Variants in EPC2 observed in about 807,000 individuals in gnomAD.
The protein encoded by EPC2 is enhancer of polycomb homolog 2.
In EPC2, 14 loss-of-function variants were observed where a neutral mutation model predicts 92.1. That is an observed-to-expected ratio of 0.15 (90% CI 0.10 to 0.24). The LOEUF (loss-of-function observed/expected upper bound fraction) is 0.24. Among genes scored for constraint, EPC2 ranks in the 10% least tolerant of loss-of-function variants. EPC2 has a pLI of 1.00. For synonymous variants in EPC2, 340 were observed against 334.7 expected (o/e 1.02, Z -0.17); for missense variants, 755 against 971.5 (o/e 0.78, Z 2.96).
chr2:148,701,135 A>G (rs114520216), intron 2 of EPC2, among the ~76,000 whole-genome samples: 2,148 of 152,306 alleles, frequency 0.014, 46 homozygotes, highest in African/African-American at 0.048. Context: ...CAGACTTACT[A>G]TGCTCTAATT....
At chr2:148,654,998 G>C (rs80148989) in intron 1 of EPC2, among the ~76,000 whole-genome samples, 1 of 152,232 alleles carries the variant, frequency 6.6e-6, no homozygotes, top group East Asian at 1.9e-4. Flanking sequence ...AGACATTCCA[G>C]TATACCATTG....
intron 1 of EPC2, among the ~76,000 whole-genome samples, chr2:148,685,876 C>G (rs1681509482): frequency 6.6e-6 from 1 of 152,216 alleles, no homozygotes; most frequent in Non-Finnish European, 1.5e-5. Flanking sequence ...TTAAAATGCC[C>G]TATTGCTAAA....
intron 1 of EPC2, among the ~76,000 whole-genome samples, chr2:148,647,107 C>A (rs1286988256): frequency 6.6e-6 from 1 of 151,794 alleles, no homozygotes; most frequent in Non-Finnish European, 1.5e-5. Flanking sequence ...GAGACTCCGT[C>A]CCCCCCAACA....
At chr2:148,681,476 C>A (rs1423381412) in intron 1 of EPC2, among the ~76,000 whole-genome samples, 3 of 152,086 alleles carry the variant, frequency 2.0e-5, no homozygotes, top group African/African-American at 7.2e-5. Flanking sequence ...GGCAGTAAGA[C>A]CTTATCAAAA....
At chr2:148,655,426 T>G (rs777260287) in intron 1 of EPC2, among the ~76,000 whole-genome samples, 10 of 152,210 alleles carry the variant, frequency 6.6e-5, no homozygotes, top group African/African-American at 9.7e-5. Flanking sequence ...ATAAACAATT[T>G]TTAATATGTG....
At chr2:148,714,933 T>C (rs1234651275) in intron 2 of EPC2, among the ~76,000 whole-genome samples, 1 of 152,164 alleles carries the variant, frequency 6.6e-6, no homozygotes, top group Non-Finnish European at 1.5e-5. Flanking sequence ...TTGTCAAGTT[T>C]TGCTTTTGTT....
intron 1 of EPC2, among the ~76,000 whole-genome samples, chr2:148,688,354 G>A (rs570962192): frequency 2.2e-4 from 34 of 152,084 alleles, no homozygotes; most frequent in Non-Finnish European, 2.9e-5. Flanking sequence ...GGTGGGAATT[G>A]AACAGTGAGA....
chr2:148,784,563 G>A, intron 12 of EPC2, 105 bp from the exon 13 acceptor site: 1 of 865,316 alleles, frequency 1.2e-6, no homozygotes, highest in Non-Finnish European at 1.8e-6. Flanking sequence ...AAGTTAACTT[G>A]GCATTCAATT....
chr2:148,683,147 A>T (rs1215712322), intron 1 of EPC2, among the ~76,000 whole-genome samples: 4 of 151,208 alleles, frequency 2.6e-5, no homozygotes, highest in Non-Finnish European at 5.9e-5. Flanking sequence ...AAAGTCCTTT[A>T]GTAGTGATTT....
At chr2:148,785,032 C>T in intron 13 of EPC2, 31 bp downstream of exon 13, 2 of 1,459,492 alleles carry the variant, frequency 1.4e-6, no homozygotes, top group South Asian at 3.0e-5. Flanking sequence ...GATTTTTCTC[C>T]CTTTGTGCTG....
At chr2:148,657,421 T>G (rs1215475167) in intron 1 of EPC2, among the ~76,000 whole-genome samples, 1 of 152,128 alleles carries the variant, frequency 6.6e-6, no homozygotes, top group Non-Finnish European at 1.5e-5. Context: ...TCAGTGATTC[T>G]CAAGCTTTAG....
intron 1 of EPC2, among the ~76,000 whole-genome samples, chr2:148,689,905 C>T (rs1681610415): frequency 6.6e-6 from 1 of 151,994 alleles, no homozygotes; most frequent in South Asian, 2.1e-4. Context: ...TGACAAACAC[C>T]TCAATTAATC....
chr2:148,739,317 A>G (rs1416400627), intron 2 of EPC2, among the ~76,000 whole-genome samples: 2 of 150,316 alleles, frequency 1.3e-5, no homozygotes, highest in African/African-American at 2.5e-5. Context: ...ATTGAATTGC[A>G]TGCTACTCAT....
At chr2:148,786,196 G>C in intron 13 of EPC2, 109 bp from the exon 14 acceptor site, 1 of 890,212 alleles carries the variant, frequency 1.1e-6, no homozygotes, top group Non-Finnish European at 1.7e-6. Context: ...TTCTTGTGAA[G>C]TCATGTTTAG....
chr2:148,764,090 T>A (rs1388387453), intron 6 of EPC2, among the ~76,000 whole-genome samples: 33 of 152,216 alleles, frequency 2.2e-4, no homozygotes, highest in Admixed American at 2.2e-3. Context: ...GATGTAATAG[T>A]TATACCTATT....
intron 1 of EPC2, among the ~76,000 whole-genome samples, chr2:148,646,043 AGACGGTTG>A (rs1264737282): frequency 6.6e-6 from 1 of 152,236 alleles, no homozygotes; most frequent in Non-Finnish European, 1.5e-5. Flanking sequence ...TAAATTTTGC[AGACGGTTG>A]GATTTCATCT....
At chr2:148,688,899 T>C (rs1681585532) in intron 1 of EPC2, among the ~76,000 whole-genome samples, 1 of 152,076 alleles carries the variant, frequency 6.6e-6, no homozygotes, top group Non-Finnish European at 1.5e-5. Flanking sequence ...AAATGAGATC[T>C]TTACTATGAT....
intron 1 of EPC2, chr2:148,645,530 G>A (rs1683780281): frequency 4.4e-6 from 1 of 228,422 alleles, no homozygotes; most frequent in Admixed American, 5.7e-5. Flanking sequence ...GCTAATTAAT[G>A]GCGTGGTATT....
At chr2:148,657,433 A>G (rs1680826579) in intron 1 of EPC2, among the ~76,000 whole-genome samples, 1 of 152,134 alleles carries the variant, frequency 6.6e-6, no homozygotes, top group Admixed American at 6.6e-5. Context: ...AAGCTTTAGC[A>G]TGCTTCAGAA....
Sources: allele counts gnomAD v4.1 joint callset (sites outside exome capture counted in the v4.1 genomes callset), GRCh38; gene constraint gnomAD v4.1.1; transcripts MANE v1.5; gene names NCBI Gene and HGNC (gene_info 2026-07-23, HGNC 2026-07-21).